Variants in PTCD3 observed in about 807,000 individuals in gnomAD.
PTCD3 encodes the protein pentatricopeptide repeat domain 3, also known as small ribosomal subunit protein mS39.
A neutral mutation model predicts 101.9 loss-of-function variants in PTCD3; 89 were observed. That is an observed-to-expected ratio of 0.87 (90% CI 0.74 to 1.04). The LOEUF is 1.04. Ranked by LOEUF, PTCD3 falls within the 50% of genes least tolerant of loss-of-function variation. The pLI is 0.00. For missense variants in PTCD3, 870 were observed against 828.2 expected, an observed-to-expected ratio of 1.05 and a Z score of -0.62; for synonymous variants, 296 against 278.5, an observed-to-expected ratio of 1.06 and a Z score of -0.63.
intron 3 of PTCD3, chr2:86,110,855 A>G (rs1181809074): frequency 1.4e-6 from 1 of 697,324 alleles, no homozygotes; most frequent in Non-Finnish European, 2.7e-6. Context: ...TGAGGGCGGG[A>G]TGGAAATCAC....
Position 86,138,539 on chromosome 2 carries a change from T to C in PTCD3, c.*980T>C, listed in dbSNP as rs1392391166. The C allele has an allele frequency of 6.6e-6, 1 of 152,176 alleles. No homozygotes were observed. The highest frequency in any genetic ancestry group is 1.5e-5 in the Non-Finnish European group (1 of 68,034). The allele number at this position is 152,176 out of a possible 1,614,324, so 9.4% of individuals were successfully genotyped here. ...GCCAGAGTTGACAATTATGGGATAC[T>C]CTAGTCTACTTATACTTGTGTTCCC... On this transcript the variant is annotated 3_prime_UTR_variant, in exon 24 of 24. Transcript: ENST00000254630.
rs116199932 is a variant in PTCD3, at chr2:86,111,125, C to A, written c.207C>A (p.Ala69=). 1.7e-5 allele frequency: 28 copies of A among 1,613,362 alleles called. No homozygotes were observed. The highest frequency in any genetic ancestry group is 1.7e-4 in the Admixed American group (10 of 59,978). The change falls in exon 4 of 24, where the codon GCC becomes GCA. Residue 69 remains alanine (A), a synonymous_variant. Transcript: ENST00000254630. ...TTCTTATTTTTAGGGATAAAGTAGCCGTTCTTCAGGCACTTGCATCCACAG... is the reference window on the plus strand; with the variant it reads ...TTCTTATTTTTAGGGATAAAGTAGCAGTTCTTCAGGCACTTGCATCCACAG... ...IPKKKTWDKV[A]VLQALASTVN...
chr2:86,123,902 A>G (rs1190493769), intron 9 of PTCD3, 140 bp downstream of exon 9: 4 of 556,026 alleles, frequency 7.2e-6, no homozygotes, highest in African/African-American at 3.9e-5. Context: ...CACTATTTGT[A>G]TTCATACACA....
In PTCD3 at chr2:86,131,245, A is replaced by AT. The variant is rs1487896376; in HGVS notation, c.1266+140dup. 7.1e-6 allele frequency: 5 copies of AT among 708,434 alleles called. No individual in the cohort carries two copies. In the African/African-American group the frequency reaches 9.6e-5, roughly 14 times the overall value. The allele number at this position is 708,434 out of a possible 1,614,324, so 43.9% of individuals were successfully genotyped here. The stretch of plus-strand genomic sequence containing the variant: ...GTTTTTTCTTCTTTCTCTAAAATCT[A>AT]TAATTTTTTTTTTCTTTGAGATGGA... On this transcript the variant is annotated intron_variant, in intron 16 of 23. Coordinates refer to ENST00000254630, the MANE Select transcript of PTCD3 (RefSeq NM_017952.6).
Position 86,110,995 on chromosome 2 carries a change from CA to C in PTCD3, c.195-117del, listed in dbSNP as rs763588637. ...TATTCTAGTGACCTTGTGACATAAC[CA>C]GCTTCAGATGAGATCTGCACTATGT... is the stretch of plus-strand genomic sequence containing the variant. On this transcript the variant is annotated intron_variant, in intron 3 of 23. Coordinates refer to ENST00000254630, the MANE Select transcript of PTCD3 (RefSeq NM_017952.6). 39 of 931,276 alleles carry C rather than the reference CA, an allele frequency of 4.2e-5. No homozygotes were observed. The East Asian group carries it at 8.9e-4, about 21-fold the overall frequency. 57.7% of individuals were successfully genotyped at this position (931,276 alleles called of 1,614,324 possible).
chr2:86,139,298 C>T lies in PTCD3; in HGVS notation c.*1739C>T, dbSNP rs1028153912. 6 of 152,026 alleles carry T rather than the reference C, an allele frequency of 3.9e-5. No individual in the cohort carries two copies. The highest frequency in any genetic ancestry group is 7.3e-5 in the African/African-American group (3 of 41,356). 9.4% of individuals were successfully genotyped at this position (152,026 alleles called of 1,614,324 possible). On this transcript the variant is annotated 3_prime_UTR_variant, in exon 24 of 24. Transcript: ENST00000254630. ...GGAGGATCACTTAGGTCCAGGAGTTCGAGACTAGCCTGGGCAACATAGTGA... is the reference window on the plus strand; with the variant it reads ...GGAGGATCACTTAGGTCCAGGAGTTTGAGACTAGCCTGGGCAACATAGTGA...
In PTCD3 at chr2:86,106,335, C is replaced by T; in HGVS notation, c.88C>T (p.Gln30Ter). 1.2e-6 allele frequency: 2 copies of T among 1,614,008 alleles called. No homozygotes were observed. Among genetic ancestry groups the T allele is most frequent in the Non-Finnish European group, 1.7e-6 (2 of 1,179,966 alleles). Residue 30 changes from glutamine (Q) to a stop codon, truncating the protein, a stop_gained, in exon 1 of 24, where the codon CAG (glutamine) becomes TAG (stop). Coordinates refer to ENST00000254630, the MANE Select transcript of PTCD3 (RefSeq NM_017952.6). LOFTEE classifies it high-confidence loss of function. ...GGGTCGGCGGGCGGGTTTGTGTGAACAGGCACGCAGCTGCAGGTAAGAGAC... is the reference window on the plus strand; with the variant it reads ...GGGTCGGCGGGCGGGTTTGTGTGAATAGGCACGCAGCTGCAGGTAAGAGAC... ...LTGRRAGLCE[Q>*]ARSCRFYSGS...
intron 16 of PTCD3, 112 bp from the exon 17 acceptor site, chr2:86,132,204 CAA>C: frequency 1.7e-6 from 1 of 600,218 alleles, no homozygotes; most frequent in Non-Finnish European, 2.9e-6. Flanking sequence ...TGCTGTCAAC[CAA>C]TAATATGTTG....
At chr2:86,125,943 G>A in intron 12 of PTCD3, 63 bp downstream of exon 12, 1 of 1,214,056 alleles carries the variant, frequency 8.2e-7, no homozygotes, top group Non-Finnish European at 1.2e-6. Context: ...AGAAATACAT[G>A]GGCTGGCCAG....
At chr2:86,125,721 A>G in intron 11 of PTCD3, 74 bp from the exon 12 acceptor site, 1 of 1,182,664 alleles carries the variant, frequency 8.5e-7, no homozygotes, top group South Asian at 1.4e-5. Flanking sequence ...CATAGGAATG[A>G]CTGCTTTGCC....
At chr2:86,114,254 C>T (rs931412238) in intron 4 of PTCD3, among the ~76,000 whole-genome samples, 1 of 151,578 alleles carries the variant, frequency 6.6e-6, no homozygotes, top group Non-Finnish European at 1.5e-5. Context: ...GGGGTTGTAT[C>T]GCCAAGACTG....
At chr2:86,111,615 T>C (rs1283036489) in intron 4 of PTCD3, among the ~76,000 whole-genome samples, 1 of 152,052 alleles carries the variant, frequency 6.6e-6, no homozygotes, top group Non-Finnish European at 1.5e-5. Context: ...CTAATCCAGC[T>C]GAGCCAGGTG....
chr2:86,114,298 T>A (rs1674142556), intron 4 of PTCD3, among the ~76,000 whole-genome samples: 1 of 152,070 alleles, frequency 6.6e-6, no homozygotes, highest in Non-Finnish European at 1.5e-5. Context: ...TCTTTTTTTT[T>A]TTTTAAAGAG....
Position 86,119,028 on chromosome 2 carries a change from T to C in PTCD3, c.522T>C (p.Asp174=). Residue 174 remains aspartate, a synonymous_variant, in exon 7 of 24, where the codon GAT becomes GAC. Coordinates refer to ENST00000254630, the MANE Select transcript of PTCD3 (RefSeq NM_017952.6). ...TCAAAGCCTCTGTGGACATGTTTGATCAGCTTTTGCAAGCAGGTGACTGAG... is the reference window on the plus strand; with the variant it reads ...TCAAAGCCTCTGTGGACATGTTTGACCAGCTTTTGCAAGCAGGTGACTGAG... ...RKVKASVDMF[D]QLLQAGTTVS... is the part of the protein sequence containing the mutation. 6.2e-7 allele frequency: 1 copy of C among 1,613,760 alleles called. No individual in the cohort carries two copies. The highest frequency in any genetic ancestry group is 1.7e-5 in the Admixed American group (1 of 59,846).
At position 86,123,781 on chromosome 2, in the gene PTCD3, G is replaced by T; in HGVS notation, c.716+19G>T. ...CATGGCGGTATGTCACACGTAATTA[G>T]AACCTTGAATTACAGTGTCTTACAG... On this transcript the variant is annotated intron_variant, in intron 9 of 23. Coordinates refer to ENST00000254630, the MANE Select transcript of PTCD3 (RefSeq NM_017952.6). The T allele has an allele frequency of 6.4e-7, 1 of 1,566,660 alleles. No homozygotes were observed. Among genetic ancestry groups the T allele is most frequent in the Non-Finnish European group, 8.7e-7 (1 of 1,148,842 alleles).
rs768228667 is a variant in PTCD3, at chr2:86,117,068, T to C, written c.323T>C (p.Leu108Pro). 2 of 1,342,784 alleles carry C rather than the reference T, an allele frequency of 1.5e-6. No individual in the cohort carries two copies. Among genetic ancestry groups the C allele is most frequent in the Non-Finnish European group, 2.1e-6 (2 of 933,100 alleles). 83.2% of individuals were successfully genotyped at this position (1,342,784 alleles called of 1,614,324 possible). The change falls in exon 6 of 24, where the codon CTG (leucine) becomes CCG (proline). Residue 108 changes from leucine (L) to proline (P), a missense_variant. Transcript: ENST00000254630. Reference protein sequence around the residue: ...ASSLESRSFLLAKKSGENVAK... With the variant: ...ASSLESRSFLPAKKSGENVAK... The stretch of plus-strand genomic sequence containing the variant: ...TTCTTTATATAGCGTTCATTTTTAC[T>C]GGCAAAGAAATCCGGGGAGAATGTG...
chr2:86,119,108 A>G, intron 7 of PTCD3, 64 bp downstream of exon 7: 1 of 1,571,978 alleles, frequency 6.4e-7, no homozygotes, highest in African/African-American at 1.4e-5. Context: ...AAGTTATATG[A>G]TTCATATATT....
At chr2:86,112,622 C>T (rs1233564805) in intron 4 of PTCD3, among the ~76,000 whole-genome samples, 2 of 140,276 alleles carry the variant, frequency 1.4e-5, no homozygotes, top group African/African-American at 5.5e-5. Context: ...GCAGAAGTTG[C>T]AGTGAGCCAA....
At position 86,108,545 on chromosome 2, in the gene PTCD3, T is replaced by C; in HGVS notation, c.194+9T>C. The C allele has an allele frequency of 6.3e-7, 1 of 1,591,374 alleles. No individual in the cohort carries two copies. Among genetic ancestry groups the C allele is most frequent in the African/African-American group, 1.4e-5 (1 of 73,672 alleles). On this transcript the variant is annotated intron_variant, in intron 3 of 23. Coordinates refer to ENST00000254630, the MANE Select transcript of PTCD3 (RefSeq NM_017952.6). The stretch of plus-strand genomic sequence containing the variant: ...CCAAAAAAGAAAACTTGGTAAGTAT[T>C]CTATCAGTGTTCATTCAGCAAATGG...
Sources: gnomAD v4.1 joint callset for allele counts (sites outside exome capture counted in the v4.1 genomes callset) on GRCh38, gnomAD v4.1.1 for gene constraint, MANE v1.5 for transcripts, NCBI Gene and HGNC (gene_info 2026-07-23, HGNC 2026-07-21) for gene names.